Variants in CFAP70 observed in about 807,000 individuals in gnomAD.
The protein encoded by CFAP70 is cilia and flagella associated protein 70, also known as cilia- and flagella-associated protein 70.
Under a neutral mutation model 137.6 loss-of-function variants are expected in CFAP70, and 81 were observed. The observed-to-expected ratio is 0.59, with a 90% CI of 0.49 to 0.71. The LOEUF is 0.71. CFAP70 is among the 30% of genes least tolerant of loss of function. CFAP70 has a pLI of 0.00. For synonymous variants in CFAP70, 382 were observed against 423.6 expected, an observed-to-expected ratio of 0.90 and a Z score of 1.20; for missense variants, 976 against 1,226.7, an observed-to-expected ratio of 0.80 and a Z score of 3.05.
intron 25 of CFAP70, among the ~76,000 whole-genome samples, chr10:73,266,270 T>G: frequency 6.6e-6 from 1 of 152,332 alleles, no homozygotes. Context: ...TAATAAAGCA[T>G]ACAATGAGTT....
chr10:73,292,222 A>G (rs1007617640), intron 16 of CFAP70, among the ~76,000 whole-genome samples: 9 of 152,206 alleles, frequency 5.9e-5, no homozygotes, highest in Non-Finnish European at 1.2e-4. Context: ...TATAATTAAA[A>G]ATTTGAATCA....
chr10:73,296,906 T>C, intron 15 of CFAP70, 136 bp downstream of exon 16: 1 of 1,021,932 alleles, frequency 9.8e-7, no homozygotes, highest in African/African-American at 1.6e-5. Context: ...TTCTTACTCA[T>C]CTTTGTGTTT....
chr10:73,258,279 T>G (rs1287450025), intron 25 of CFAP70, among the ~76,000 whole-genome samples: 4 of 152,242 alleles, frequency 2.6e-5, no homozygotes, highest in Non-Finnish European at 4.4e-5. Flanking sequence ...TCTTGGACAT[T>G]TATTAGTTCC....
intron 5 of CFAP70, among the ~76,000 whole-genome samples, chr10:73,342,889 A>G (rs1475087428): frequency 6.6e-6 from 1 of 152,056 alleles, no homozygotes; most frequent in Non-Finnish European, 1.5e-5. Context: ...ATCCTGGCCA[A>G]TATGGTGAAA....
intron 6 of CFAP70, 65 bp downstream of exon 7, chr10:73,341,334 C>A: frequency 7.1e-7 from 1 of 1,410,810 alleles, no homozygotes; most frequent in Non-Finnish European, 9.7e-7. Flanking sequence ...CAGTAATTCA[C>A]AAAATGTTTT....
chr10:73,335,406 A>G (rs758739216), intron 7 of CFAP70, 24 bp downstream of exon 8: 1 of 1,537,180 alleles, frequency 6.5e-7, no homozygotes, highest in South Asian at 1.2e-5. Context: ...TGGGTTAGAC[A>G]TATGTCCTTC....
chr10:73,311,591 G>A (rs1159914316), intron 11 of CFAP70, among the ~76,000 whole-genome samples: 1 of 152,124 alleles, frequency 6.6e-6, no homozygotes, highest in African/African-American at 2.4e-5. Flanking sequence ...GTTTAACATA[G>A]TAGAATTAAC....
At position 73,302,162 on chromosome 10, in the gene CFAP70, G is replaced by A. The variant is rs536931672; in HGVS notation, c.1257-2497C>T. ...AAATATAAATGTGGGAGCCATCAGTGTATAGATGGTATTTAGAGCCACGAG... is the reference window on the plus strand; with the variant it reads ...AAATATAAATGTGGGAGCCATCAGTATATAGATGGTATTTAGAGCCACGAG... On this transcript the variant is annotated intron_variant, in intron 12 of 26. Coordinates refer to ENST00000310715, the Ensembl canonical transcript of CFAP70. Among the ~76,000 whole-genome samples the A allele has an allele frequency of 2.0e-5, 3 of 152,222 alleles. No individual in the cohort carries two copies. The East Asian group carries it at 5.8e-4, about 29-fold the overall frequency.
chr10:73,327,376 G>A (rs180941865), intron 8 of CFAP70, among the ~76,000 whole-genome samples: 9,025 of 133,984 alleles, frequency 0.067, 842 homozygotes, highest in African/African-American at 0.2. Flanking sequence ...CCCACAGCCA[G>A]TATCATACTG....
In CFAP70 at chr10:73,256,427, T is replaced by C. The variant is rs1190645994; in HGVS notation, c.3028-11A>G. On this transcript the variant is annotated splice_polypyrimidine_tract_variant and intron_variant, in intron 25 of 26. Transcript: ENST00000310715. ...TAATTGCCGTCCAACCTGAAAAAAGTGCAGCAGTTGGTGATGATGACAGGT... is the reference window on the plus strand; with the variant it reads ...TAATTGCCGTCCAACCTGAAAAAAGCGCAGCAGTTGGTGATGATGACAGGT... 1 of 1,613,976 alleles carries C rather than the reference T, an allele frequency of 6.2e-7. No individual in the cohort carries two copies. The highest frequency in any genetic ancestry group is 2.2e-5 in the East Asian group (1 of 44,870).
intron 25 of CFAP70, among the ~76,000 whole-genome samples, chr10:73,267,941 T>C (rs2045923423): frequency 6.6e-6 from 1 of 152,212 alleles, no homozygotes; most frequent in Admixed American, 6.5e-5. Flanking sequence ...TCCTTCTCCA[T>C]ATTCAAGCCA....
chr10:73,333,987 G>A (rs2052374300), intron 7 of CFAP70, among the ~76,000 whole-genome samples: 1 of 152,136 alleles, frequency 6.6e-6, no homozygotes, highest in Non-Finnish European at 1.5e-5. Flanking sequence ...ATGACCAAGT[G>A]GGTGACCAGG....
exon 27 of CFAP70, chr10:73,253,868 T>C: frequency 2.4e-6 from 2 of 822,916 alleles, no homozygotes; most frequent in Non-Finnish European, 3.8e-6. Flanking sequence ...TCTCTGTTTA[T>C]AGTGAAGATT....
chr10:73,267,601 T>C (rs77782713), intron 25 of CFAP70, among the ~76,000 whole-genome samples: 6,927 of 152,234 alleles, frequency 0.046, 478 homozygotes, highest in African/African-American at 0.15. Flanking sequence ...TAAATGGGGA[T>C]CATTATTATA....
intron 16 of CFAP70, among the ~76,000 whole-genome samples, 182 bp from the exon 18 acceptor site, chr10:73,292,196 T>C (rs1049558780): frequency 1.4e-4 from 21 of 152,168 alleles, no homozygotes; most frequent in African/African-American, 5.1e-4. Context: ...TAGTAGGTGG[T>C]TGAAAAAAGT....
At chr10:73,291,570 G>A in intron 18 of CFAP70, 70 bp downstream of exon 19, 1 of 1,498,054 alleles carries the variant, frequency 6.7e-7, no homozygotes, top group Non-Finnish European at 9.1e-7. Context: ...AGCCATTGAA[G>A]AAGAGAAAGG....
intron 25 of CFAP70, among the ~76,000 whole-genome samples, chr10:73,256,934 A>T (rs1022737260): frequency 2.0e-4 from 30 of 151,642 alleles, no homozygotes; most frequent in African/African-American, 6.8e-4. Context: ...AAGGAAAAAA[A>T]ATTCCTCCTT....
chr10:73,265,814 T>G (rs2045697919), intron 25 of CFAP70, among the ~76,000 whole-genome samples: 1 of 152,120 alleles, frequency 6.6e-6, no homozygotes, highest in African/African-American at 2.4e-5. Context: ...AGCTTCATAA[T>G]AAGGCTTGAT....
chr10:73,322,347 T>C (rs1358888906), intron 9 of CFAP70, among the ~76,000 whole-genome samples: 1 of 152,178 alleles, frequency 6.6e-6, no homozygotes, highest in Non-Finnish European at 1.5e-5. Context: ...AGATAAATTA[T>C]TTTCCCAGAA....
Sources: gnomAD v4.1 joint callset for allele counts (sites outside exome capture counted in the v4.1 genomes callset) on GRCh38, gnomAD v4.1.1 for gene constraint, MANE v1.5 for transcripts, NCBI Gene and HGNC (gene_info 2026-07-23, HGNC 2026-07-21) for gene names.